TENM2: variants seen among roughly 807,000 people sequenced by gnomAD.
The protein encoded by TENM2 is teneurin-2.
Under a neutral mutation model 245.2 loss-of-function variants are expected in TENM2, and 52 were observed. That is an observed-to-expected ratio of 0.21 (90% CI 0.17 to 0.27). TENM2 has a LOEUF of 0.27. Ranked by LOEUF, TENM2 falls within the 10% of genes least tolerant of loss-of-function variation. The probability of loss-of-function intolerance (pLI) is 1.00; values close to 1 mark genes in which losing one functional copy is unlikely to be tolerated. For synonymous variants in TENM2, 1,363 were observed against 1,438.9 expected (o/e 0.95, Z 1.19); for missense variants, 3,046 against 3,666.8 (o/e 0.83, Z 4.37).
intron 2 of TENM2, among the ~76,000 whole-genome samples, chr5:167,468,005 C>G (rs534067226): frequency 6.6e-6 from 1 of 152,142 alleles, no homozygotes; most frequent in East Asian, 1.9e-4. Flanking sequence ...GGCACGATCT[C>G]GGCTCATTGC....
chr5:167,447,619 A>T (rs1448008843), intron 2 of TENM2, among the ~76,000 whole-genome samples: 1 of 152,186 alleles, frequency 6.6e-6, no homozygotes, highest in Non-Finnish European at 1.5e-5. Flanking sequence ...AAACCTGAAG[A>T]GTAACACCTG....
chr5:167,452,950 T>TATATTTTTTTTTTTTAA (rs1561968205), intron 2 of TENM2, among the ~76,000 whole-genome samples: 5 of 99,630 alleles, frequency 5.0e-5, no homozygotes, highest in African/African-American at 1.4e-4. Context: ...TATATATATA[T>TATATTTTTTTTTTTTAA]ATATATATAT....
intron 2 of TENM2, among the ~76,000 whole-genome samples, chr5:167,440,460 A>G (rs1013824374): frequency 6.6e-6 from 1 of 152,176 alleles, no homozygotes; most frequent in Non-Finnish European, 1.5e-5. Context: ...AATGTGTCAC[A>G]TTGGTTATTA....
At chr5:167,394,622 C>T (rs1326462983) in intron 2 of TENM2, among the ~76,000 whole-genome samples, 2 of 152,076 alleles carry the variant, frequency 1.3e-5, no homozygotes, top group Non-Finnish European at 2.9e-5. Flanking sequence ...GAGACAGAGT[C>T]TCACTCTGTC....
At chr5:167,397,217 G>A (rs1010274240) in intron 2 of TENM2, among the ~76,000 whole-genome samples, 1 of 151,990 alleles carries the variant, frequency 6.6e-6, no homozygotes, top group Non-Finnish European at 1.5e-5. Flanking sequence ...GGAAGGGAGG[G>A]AGGGAGAATA....
chr5:167,750,451 C>T (rs1761886123), intron 2 of TENM2, among the ~76,000 whole-genome samples: 1 of 152,098 alleles, frequency 6.6e-6, no homozygotes, highest in South Asian at 2.1e-4. Context: ...TTGACCTGCG[C>T]ATTTTCTGGA....
At chr5:167,615,485 A>C (rs1427228919) in intron 2 of TENM2, among the ~76,000 whole-genome samples, 1 of 152,194 alleles carries the variant, frequency 6.6e-6, no homozygotes, top group Non-Finnish European at 1.5e-5. Flanking sequence ...GTTGTTATTT[A>C]TTGTATTTTT....
intron 2 of TENM2, among the ~76,000 whole-genome samples, chr5:167,497,695 G>C (rs905058233): frequency 1.3e-5 from 2 of 152,016 alleles, no homozygotes; most frequent in Admixed American, 6.6e-5. Context: ...GTATCGCACT[G>C]CTAAACAGCA....
chr5:167,514,958 C>T (rs1345513381), intron 2 of TENM2, among the ~76,000 whole-genome samples: 3 of 152,076 alleles, frequency 2.0e-5, no homozygotes, highest in Non-Finnish European at 4.4e-5. Flanking sequence ...TTGCGGTGAG[C>T]CGAGATCAAG....
the TENM2 span, among the ~76,000 whole-genome samples, chr5:167,100,435 C>T: frequency 1.7e-4 from 26 of 152,184 alleles, no homozygotes; most frequent in Admixed American, 3.3e-4. Flanking sequence ...TTTGTTGTGA[C>T]TGCCTCTGAA....
intron 2 of TENM2, among the ~76,000 whole-genome samples, chr5:167,437,255 G>A (rs575489349): frequency 1.3e-5 from 2 of 152,198 alleles, no homozygotes; most frequent in Admixed American, 6.5e-5. Flanking sequence ...GCGAGACTTG[G>A]AATCAAAGGA....
chr5:167,605,869 T>C (rs1043940427), intron 2 of TENM2, among the ~76,000 whole-genome samples: 6 of 152,160 alleles, frequency 3.9e-5, no homozygotes, highest in African/African-American at 1.4e-4. Flanking sequence ...TTAAAAAATA[T>C]GCATATTTGG....
At position 167,988,986 on chromosome 5, in the gene TENM2, G is replaced by A. The variant is rs2617955; in HGVS notation, c.948-3958G>A. On this transcript the variant is annotated intron_variant, in intron 4 of 28. Coordinates refer to ENST00000518659, the Ensembl canonical transcript of TENM2. Reference sequence around the variant, plus strand: ...CCAATTTAAACTTCTTATCTTTACCGTGTTGCTCTCATGTTGCTAAAACAT... The same window carrying A: ...CCAATTTAAACTTCTTATCTTTACCATGTTGCTCTCATGTTGCTAAAACAT... Among the ~76,000 whole-genome samples the A allele has an allele frequency of 5.3e-3, 799 of 152,144 alleles. 7 individuals carry two copies. The highest frequency in any genetic ancestry group is 0.018 in the African/African-American group (754 of 41,522).
the TENM2 span, among the ~76,000 whole-genome samples, chr5:167,193,317 A>G: frequency 2.0e-5 from 3 of 152,078 alleles, no homozygotes; most frequent in East Asian, 1.9e-4. Context: ...TAGGTGTGCA[A>G]TTCCTGTGAC....
At chr5:167,417,237 A>C (rs991162989) in intron 2 of TENM2, among the ~76,000 whole-genome samples, 1 of 151,138 alleles carries the variant, frequency 6.6e-6, no homozygotes. Context: ...GTTATTTTTG[A>C]CTCTCCTCCT....
intron 3 of TENM2, among the ~76,000 whole-genome samples, chr5:167,897,932 C>T (rs1354566531): frequency 2.3e-5 from 3 of 129,148 alleles, no homozygotes; most frequent in African/African-American, 8.8e-5. Context: ...GCACCGGGTA[C>T]TACCTTAAAC....
the TENM2 span, among the ~76,000 whole-genome samples, chr5:167,165,568 C>T: frequency 1.3e-4 from 20 of 151,884 alleles, no homozygotes; most frequent in East Asian, 1.9e-3. Flanking sequence ...GACACCAAAT[C>T]GGGAATAATT....
At chr5:168,206,774 G>A (rs564645591) in intron 19 of TENM2, among the ~76,000 whole-genome samples, 159 of 152,240 alleles carry the variant, frequency 1.0e-3, no homozygotes, top group African/African-American at 3.7e-3. Flanking sequence ...GAGAAGACAG[G>A]GTAGGGTGGA....
chr5:167,758,407 G>A (rs766631596), intron 2 of TENM2, among the ~76,000 whole-genome samples: 1 of 152,156 alleles, frequency 6.6e-6, no homozygotes, highest in Non-Finnish European at 1.5e-5. Context: ...GGAAGAGATC[G>A]AAGATCAGAA....
Sources: allele counts gnomAD v4.1 joint callset (sites outside exome capture counted in the v4.1 genomes callset), GRCh38; gene constraint gnomAD v4.1.1; transcripts MANE v1.5; gene names NCBI Gene and HGNC (gene_info 2026-07-23, HGNC 2026-07-21).